STPG2: variants seen among roughly 807,000 people sequenced by gnomAD.
STPG2 encodes sperm-tail PG-rich repeat-containing protein 2.
STPG2 carries 56 observed loss-of-function variants against 54.2 expected under a neutral mutation model. That is an observed-to-expected ratio of 1.03 (90% CI 0.83 to 1.29). The LOEUF (loss-of-function observed/expected upper bound fraction) is 1.29. Among genes scored for constraint, STPG2 ranks in the 50% most tolerant of loss-of-function variants. The pLI, the probability that STPG2 is intolerant of heterozygous loss-of-function variation, is 0.00. For synonymous variants in STPG2, 200 were observed against 181.8 expected (o/e 1.10, Z -0.81); for missense variants, 596 against 544.9 (o/e 1.09, Z -0.93).
chr4:97,924,711 T>C (rs1191136847), intron 8 of STPG2, among the ~76,000 whole-genome samples: 1 of 152,226 alleles, frequency 6.6e-6, no homozygotes, highest in African/African-American at 2.4e-5. Flanking sequence ...TTATTCGTCA[T>C]AAATTTGATA....
At chr4:97,546,120 G>A (rs1731828137) in intron 4 of STPG2, among the ~76,000 whole-genome samples, 1 of 151,646 alleles carries the variant, frequency 6.6e-6, no homozygotes, top group Admixed American at 6.6e-5. Context: ...AACCAGAAAA[G>A]CAATGAGAAC....
intron 10 of STPG2, among the ~76,000 whole-genome samples, chr4:97,567,357 A>C (rs1732480297): frequency 6.6e-6 from 1 of 151,014 alleles, no homozygotes; most frequent in Admixed American, 6.6e-5. Flanking sequence ...ACTCCCATAT[A>C]TTGCTGGTGA....
At chr4:97,811,431 G>T (rs1160757414) in intron 9 of STPG2, among the ~76,000 whole-genome samples, 1 of 151,852 alleles carries the variant, frequency 6.6e-6, no homozygotes, top group African/African-American at 2.4e-5. Context: ...TTTTTTAAGG[G>T]CATTGTTCTT....
chr4:97,454,852 C>T (rs1238730023), intron 4 of STPG2, among the ~76,000 whole-genome samples: 1 of 151,994 alleles, frequency 6.6e-6, no homozygotes, highest in Non-Finnish European at 1.5e-5. Context: ...GAAAGAATTC[C>T]TGACAATGTT....
intron 10 of STPG2, among the ~76,000 whole-genome samples, chr4:97,700,076 A>G (rs1171090702): frequency 6.6e-6 from 1 of 152,216 alleles, no homozygotes; most frequent in East Asian, 1.9e-4. Flanking sequence ...GTAACAGGCC[A>G]AGAGCTGTCC....
chr4:97,647,912 G>A (rs1215997064), intron 10 of STPG2, among the ~76,000 whole-genome samples: 1 of 152,082 alleles, frequency 6.6e-6, no homozygotes, highest in Non-Finnish European at 1.5e-5. Flanking sequence ...TGAGGTCCCT[G>A]GAACATGGGA....
intron 7 of STPG2, among the ~76,000 whole-genome samples, chr4:97,951,268 G>T (rs1033415554): frequency 6.6e-6 from 1 of 152,088 alleles, no homozygotes; most frequent in Non-Finnish European, 1.5e-5. Flanking sequence ...AGACAGCTCT[G>T]CATTAATAAC....
intron 4 of STPG2, among the ~76,000 whole-genome samples, chr4:97,513,093 T>C (rs976630003): frequency 2.0e-5 from 3 of 152,128 alleles, no homozygotes; most frequent in Non-Finnish European, 4.4e-5. Flanking sequence ...TTCTTGGATT[T>C]GATTAATTTC....
rs568762287 is a variant in STPG2, at chr4:97,587,714, T to A, written c.1321-28597A>T. Among the ~76,000 whole-genome samples, 9 of 152,068 alleles carry A rather than the reference T, an allele frequency of 5.9e-5. No homozygotes were observed. In the South Asian group the frequency reaches 1.9e-3, roughly 32 times the overall value. On this transcript the variant is annotated intron_variant, in intron 10 of 10. Coordinates refer to ENST00000295268, the MANE Select transcript of STPG2 (RefSeq NM_174952.3). ...AAATTTCTGTTTCATATTTCTCACATCCAGTTCAAGGCCCCACCCCTATTA... is the reference window on the plus strand; with the variant it reads ...AAATTTCTGTTTCATATTTCTCACAACCAGTTCAAGGCCCCACCCCTATTA...
chr4:98,008,420 A>G (rs1027584164), intron 5 of STPG2, among the ~76,000 whole-genome samples: 4 of 152,104 alleles, frequency 2.6e-5, no homozygotes, highest in African/African-American at 9.7e-5. Context: ...TCCCCACTAG[A>G]TTGGTCCTAC....
intron 10 of STPG2, among the ~76,000 whole-genome samples, chr4:97,663,608 C>T (rs1306460279): frequency 6.6e-6 from 1 of 152,082 alleles, no homozygotes; most frequent in Non-Finnish European, 1.5e-5. Flanking sequence ...TATAGAAAAG[C>T]TTAAGACATA....
At chr4:97,970,826 A>G (rs1319847264) in intron 7 of STPG2, among the ~76,000 whole-genome samples, 2 of 152,250 alleles carry the variant, frequency 1.3e-5, no homozygotes, top group Admixed American at 6.5e-5. Flanking sequence ...TAATTAAACT[A>G]AAGAGCTTCT....
chr4:98,024,338 G>A (rs1350626109), intron 5 of STPG2, among the ~76,000 whole-genome samples: 2 of 152,146 alleles, frequency 1.3e-5, no homozygotes, highest in African/African-American at 4.8e-5. Flanking sequence ...ATTATCAAAT[G>A]TTTTCCATGA....
chr4:97,886,305 C>T (rs1156379681), intron 8 of STPG2, among the ~76,000 whole-genome samples: 1 of 152,144 alleles, frequency 6.6e-6, no homozygotes, highest in Non-Finnish European at 1.5e-5. Context: ...ATTTATTTGA[C>T]TTTTCAACAG....
At chr4:98,098,043 T>C (rs1353976557) in intron 5 of STPG2, among the ~76,000 whole-genome samples, 1 of 152,132 alleles carries the variant, frequency 6.6e-6, no homozygotes, top group African/African-American at 2.4e-5. Flanking sequence ...ATGCCCATGA[T>C]ACCCAAAGCA....
intron 10 of STPG2, among the ~76,000 whole-genome samples, chr4:97,571,950 A>G (rs914992668): frequency 1.3e-5 from 2 of 152,190 alleles, no homozygotes; most frequent in African/African-American, 4.8e-5. Context: ...CAAGGTATAT[A>G]TCTATGTTCT....
At chr4:97,529,748 G>C (rs1731371139) in intron 4 of STPG2, among the ~76,000 whole-genome samples, 1 of 151,980 alleles carries the variant, frequency 6.6e-6, no homozygotes, top group Non-Finnish European at 1.5e-5. Context: ...ATTTCTTCTA[G>C]ATTTTCTAGT....
chr4:97,808,572 G>A (rs1022644391), intron 9 of STPG2, among the ~76,000 whole-genome samples: 1 of 151,082 alleles, frequency 6.6e-6, no homozygotes, highest in Non-Finnish European at 1.5e-5. Context: ...GCAGGTGAGA[G>A]GAAATAGGAA....
In STPG2 at chr4:97,527,460, T is replaced by A. The variant is rs573695793; in HGVS notation, c.462+185239A>T. ...ATTGCAAACAGTGCTGAAATAAACA[T>A]ACACGTGCATGTATCTTCATAGTAG... On this transcript the variant is annotated intron_variant, in intron 4 of 4. Coordinates refer to the STPG2 transcript ENST00000522676. 1.2e-3 allele frequency among the ~76,000 whole-genome samples: 178 copies of A among 152,300 alleles called. 1 individual carries two copies. The South Asian group carries it at 0.014, about 12-fold the overall frequency.
Sources: allele counts gnomAD v4.1 joint callset (sites outside exome capture counted in the v4.1 genomes callset), GRCh38; gene constraint gnomAD v4.1.1; transcripts MANE v1.5; gene names NCBI Gene and HGNC (gene_info 2026-07-23, HGNC 2026-07-21).